FAM171A1: variants seen among roughly 807,000 people sequenced by gnomAD.
FAM171A1 encodes family with sequence similarity 171 member A1, also known as protein FAM171A1.
In FAM171A1, 23 loss-of-function variants were observed where a neutral mutation model predicts 74.9. That is an observed-to-expected ratio of 0.31 (90% CI 0.22 to 0.44). FAM171A1 has a LOEUF of 0.44. FAM171A1 is among the 20% of genes least tolerant of loss of function. FAM171A1 has a pLI of 1.00. For missense variants in FAM171A1, 1,162 were observed against 1,159.2 expected (o/e 1.00, Z -0.03); for synonymous variants, 527 against 505.7 (o/e 1.04, Z -0.57).
At chr10:15,363,546 C>T (rs1836021678) in intron 1 of FAM171A1, among the ~76,000 whole-genome samples, 1 of 152,194 alleles carries the variant, frequency 6.6e-6, no homozygotes, top group South Asian at 2.1e-4. Flanking sequence ...TATTTATCTA[C>T]CTTTTGGCCA....
intron 1 of FAM171A1, among the ~76,000 whole-genome samples, chr10:15,364,787 C>T (rs1564292275): frequency 6.6e-6 from 1 of 152,180 alleles, no homozygotes; most frequent in Non-Finnish European, 1.5e-5. Context: ...GCTCCTGGCC[C>T]CTTTCTCTAT....
chr10:15,249,856 T>C (rs1834485894), intron 4 of FAM171A1, among the ~76,000 whole-genome samples: 1 of 152,252 alleles, frequency 6.6e-6, no homozygotes, highest in African/African-American at 2.4e-5. Context: ...AAGCAATCCA[T>C]TTTACATTTT....
At chr10:15,288,359 G>A (rs1280319121) in intron 1 of FAM171A1, among the ~76,000 whole-genome samples, 1 of 151,940 alleles carries the variant, frequency 6.6e-6, no homozygotes, top group African/African-American at 2.4e-5. Flanking sequence ...TTGGTTACAT[G>A]AGTAAGTTTT....
chr10:15,233,015 C>A (rs1405700317), intron 5 of FAM171A1, among the ~76,000 whole-genome samples: 1 of 152,114 alleles, frequency 6.6e-6, no homozygotes, highest in Non-Finnish European at 1.5e-5. Flanking sequence ...TTTTTTCAGG[C>A]CAGGGGCAGT....
intron 1 of FAM171A1, among the ~76,000 whole-genome samples, chr10:15,289,335 A>G (rs559839274): frequency 2.0e-4 from 30 of 151,984 alleles, no homozygotes; most frequent in Admixed American, 5.9e-4. Flanking sequence ...CCTAGGGTGC[A>G]CTCTTTGCTG....
intron 1 of FAM171A1, among the ~76,000 whole-genome samples, chr10:15,294,580 A>T (rs1052807470): frequency 1.1e-4 from 17 of 152,228 alleles, no homozygotes; most frequent in African/African-American, 4.1e-4. Context: ...GCAAACATGA[A>T]GAGTGTGGCT....
chr10:15,367,541 C>T (rs193136931), intron 1 of FAM171A1, among the ~76,000 whole-genome samples: 12 of 152,310 alleles, frequency 7.9e-5, no homozygotes, highest in Admixed American at 7.2e-4. Context: ...AAGTCATGCT[C>T]TTAATACAAT....
chr10:15,258,110 G>C (rs942399151), intron 3 of FAM171A1, among the ~76,000 whole-genome samples: 1 of 151,984 alleles, frequency 6.6e-6, no homozygotes, highest in Non-Finnish European at 1.5e-5. Context: ...GCCCAGGCTG[G>C]AGTGCAGTGG....
chr10:15,373,708 T>A (rs1185751890), upstream of FAM171A1, among the ~76,000 whole-genome samples: 1 of 152,320 alleles, frequency 6.6e-6, no homozygotes, highest in South Asian at 2.1e-4. Context: ...TTTATGAGTC[T>A]ATAATTATTT....
At chr10:15,334,144 A>T (rs1835673468) in intron 1 of FAM171A1, among the ~76,000 whole-genome samples, 1 of 152,222 alleles carries the variant, frequency 6.6e-6, no homozygotes, top group African/African-American at 2.4e-5. Context: ...GCCTAAGACT[A>T]GGACTTCTCT....
intron 1 of FAM171A1, among the ~76,000 whole-genome samples, chr10:15,312,673 GTTTTTTTTTTTTTTTTTTTTTTTTT>G (rs1169098742): frequency 2.1e-3 from 78 of 36,402 alleles, no homozygotes; most frequent in African/African-American, 7.4e-3. Context: ...AGCACTGTGT[GTTTTTTTTTTTTTTTTTTTTTTTTT>G]TTTTTTTTTT....
At chr10:15,248,558 T>G (rs958470546) in intron 5 of FAM171A1, 81 bp downstream of exon 5, 10 of 1,435,816 alleles carry the variant, frequency 7.0e-6, no homozygotes, top group Non-Finnish European at 9.4e-6. Flanking sequence ...GAAAGGAGAC[T>G]TCCATGAGCT....
At chr10:15,257,996 C>T (rs1834602902) in intron 3 of FAM171A1, among the ~76,000 whole-genome samples, 1 of 152,184 alleles carries the variant, frequency 6.6e-6, no homozygotes, top group African/African-American at 2.4e-5. Flanking sequence ...AATACTCAGA[C>T]CCTGCTCTCC....
At position 15,275,910 on chromosome 10, in the gene FAM171A1, G is replaced by C. The variant is rs1183470372; in HGVS notation, c.363C>G (p.Arg121=). 8.1e-6 allele frequency: 13 copies of C among 1,613,018 alleles called. No homozygotes were observed. Among genetic ancestry groups the C allele is most frequent in the Non-Finnish European group, 1.1e-5 (13 of 1,179,342 alleles). Residue 121 remains arginine (R), a synonymous_variant, in exon 3 of 8, where the codon CGC becomes CGG. Coordinates refer to ENST00000378116, the MANE Select transcript of FAM171A1 (RefSeq NM_001010924.2). ...CTTCATATACCATTAGAGTGGCAGAGCGTTCTGGAAGCAGGCCAAGGCTCA... is the reference window on the plus strand; with the variant it reads ...CTTCATATACCATTAGAGTGGCAGACCGTTCTGGAAGCAGGCCAAGGCTCA... ...SSLSLGLLPE[R]SATLMVYEDV...
chr10:15,283,489 T>A (rs1337442393), intron 2 of FAM171A1, among the ~76,000 whole-genome samples: 1 of 152,222 alleles, frequency 6.6e-6, no homozygotes, highest in Non-Finnish European at 1.5e-5. Flanking sequence ...ATTCACAGTA[T>A]CTGGTGGAGG....
At chr10:15,358,087 C>T (rs1165910116) in intron 1 of FAM171A1, among the ~76,000 whole-genome samples, 2 of 152,080 alleles carry the variant, frequency 1.3e-5, no homozygotes, top group South Asian at 2.1e-4. Context: ...GTGATATTGT[C>T]GCCTCAGCCT....
chr10:15,362,840 A>C (rs1347444205), intron 1 of FAM171A1, among the ~76,000 whole-genome samples: 1 of 152,242 alleles, frequency 6.6e-6, no homozygotes, highest in African/African-American at 2.4e-5. Context: ...TTACATAAAA[A>C]CTACCATCTA....
Position 15,290,007 on chromosome 10 carries a change from G to A in FAM171A1, c.98-5902C>T, listed in dbSNP as rs1325707687. Among the ~76,000 whole-genome samples the A allele has an allele frequency of 2.0e-5, 3 of 152,120 alleles. 1 individual carries two copies. The highest frequency in any genetic ancestry group is 7.2e-5 in the African/African-American group (3 of 41,438). On this transcript the variant is annotated intron_variant, in intron 1 of 7. Transcript: ENST00000378116. Reference sequence around the variant, plus strand: ...CACTTTGGGAGGCCGAGGCGGGCGGGTCACGAGGTCAGGAGTTTGAGACCA... The same window carrying A: ...CACTTTGGGAGGCCGAGGCGGGCGGATCACGAGGTCAGGAGTTTGAGACCA...
intron 1 of FAM171A1, among the ~76,000 whole-genome samples, chr10:15,310,994 C>G (rs748027982): frequency 1.1e-4 from 16 of 152,122 alleles, no homozygotes; most frequent in Non-Finnish European, 2.1e-4. Flanking sequence ...GGGGCTGAGT[C>G]CAGGCCAGCA....
Sources: allele counts gnomAD v4.1 joint callset (sites outside exome capture counted in the v4.1 genomes callset), GRCh38; gene constraint gnomAD v4.1.1; transcripts MANE v1.5; gene names NCBI Gene and HGNC (gene_info 2026-07-23, HGNC 2026-07-21).